RAB38: variants seen among roughly 807,000 people sequenced by gnomAD.
RAB38 encodes the protein RAB38, member RAS oncogene family.
Under a neutral mutation model 18.4 loss-of-function variants are expected in RAB38, and 15 were observed. The observed-to-expected ratio is 0.82, with a 90% confidence interval of 0.55 to 1.26. The LOEUF (loss-of-function observed/expected upper bound fraction) is 1.26. Among genes scored for constraint, RAB38 ranks in the 50% most tolerant of loss-of-function variants. The pLI, the probability that RAB38 is intolerant of heterozygous loss-of-function variation, is 0.00. For synonymous variants in RAB38, 101 were observed against 104.4 expected (o/e 0.97, Z 0.20); for missense variants, 294 against 267.4 (o/e 1.10, Z -0.69).
chr11:87,907,283 G>T, the RAB38 span, among the ~76,000 whole-genome samples: 1 of 151,700 alleles, frequency 6.6e-6, no homozygotes, highest in African/African-American at 2.4e-5. Context: ...ATTTTGCATT[G>T]CTTTTGCTGT....
chr11:87,904,542 A>G, the RAB38 span, among the ~76,000 whole-genome samples: 3 of 151,750 alleles, frequency 2.0e-5, no homozygotes, highest in African/African-American at 7.3e-5. Context: ...GAATAGTATT[A>G]TAATGAATAT....
chr11:87,866,827 C>G, the RAB38 span, among the ~76,000 whole-genome samples: 1 of 151,726 alleles, frequency 6.6e-6, no homozygotes, highest in Non-Finnish European at 1.5e-5. Flanking sequence ...AAGGAGCATT[C>G]AACTGAACAT....
At chr11:88,125,727 C>A (rs1272992381) in intron 2 of RAB38, among the ~76,000 whole-genome samples, 1 of 152,152 alleles carries the variant, frequency 6.6e-6, no homozygotes, top group Non-Finnish European at 1.5e-5. Flanking sequence ...TAATTAGATC[C>A]TATTTGTCAA....
the RAB38 span, among the ~76,000 whole-genome samples, chr11:88,033,121 G>A: frequency 3.9e-5 from 6 of 151,950 alleles, no homozygotes; most frequent in African/African-American, 7.2e-5. Context: ...GCAAACTATT[G>A]CAAGAACAAA....
chr11:88,027,880 C>G, the RAB38 span, among the ~76,000 whole-genome samples: 1 of 152,180 alleles, frequency 6.6e-6, no homozygotes. Flanking sequence ...AGCAGTGGTT[C>G]TCCCAGCATG....
chr11:87,972,908 T>C, the RAB38 span, among the ~76,000 whole-genome samples: 1 of 152,012 alleles, frequency 6.6e-6, no homozygotes, highest in African/African-American at 2.4e-5. Flanking sequence ...TCCCCCTTGC[T>C]GTTCTTATGA....
chr11:87,816,587 C>A, the RAB38 span: 1 of 151,994 alleles, frequency 6.6e-6, no homozygotes, highest in Non-Finnish European at 1.5e-5. Flanking sequence ...TCTCTCTCCT[C>A]ATTGTTATAT....
the RAB38 span, among the ~76,000 whole-genome samples, chr11:87,857,942 C>A: frequency 1.3e-5 from 2 of 152,072 alleles, no homozygotes; most frequent in African/African-American, 4.8e-5. Context: ...CTTGTCCATG[C>A]CTATGTCCTG....
the RAB38 span, among the ~76,000 whole-genome samples, chr11:88,029,184 G>T: frequency 1.3e-3 from 200 of 152,082 alleles, 1 homozygote; most frequent in African/African-American, 4.6e-3. Context: ...AATGCTGAGA[G>T]ATTTTGTCAC....
chr11:88,151,878 G>GA (rs941493687), intron 1 of RAB38, among the ~76,000 whole-genome samples: 5 of 152,104 alleles, frequency 3.3e-5, no homozygotes, highest in Non-Finnish European at 7.4e-5. Context: ...AGTATCACTG[G>GA]AAAAAAAGAG....
chr11:88,028,166 G>T, the RAB38 span, among the ~76,000 whole-genome samples: 1 of 152,156 alleles, frequency 6.6e-6, no homozygotes, highest in Non-Finnish European at 1.5e-5. Flanking sequence ...GCAGCTGAGG[G>T]TCCTGTCTGT....
At chr11:88,117,286 C>A (rs1942567052) in intron 2 of RAB38, among the ~76,000 whole-genome samples, 1 of 152,154 alleles carries the variant, frequency 6.6e-6, no homozygotes, top group African/African-American at 2.4e-5. Context: ...AGCTTACCTA[C>A]TAGCAGGGTT....
the RAB38 span, among the ~76,000 whole-genome samples, chr11:88,011,545 C>A: frequency 6.6e-6 from 1 of 152,118 alleles, no homozygotes; most frequent in Admixed American, 6.5e-5. Context: ...AAGAGCCAAT[C>A]CTTGATAAGC....
At chr11:88,111,564 G>A (rs544341487), downstream of RAB38, among the ~76,000 whole-genome samples, 43 of 152,230 alleles carry the variant, frequency 2.8e-4, no homozygotes, top group South Asian at 1.0e-3. Flanking sequence ...ATTATTAAAA[G>A]TAACAGGGAG....
At chr11:88,049,951 T>C in the RAB38 span, among the ~76,000 whole-genome samples, 4 of 152,294 alleles carry the variant, frequency 2.6e-5, no homozygotes, top group South Asian at 8.3e-4. Context: ...CAAATTCAAA[T>C]AATATTTAAA....
chr11:87,806,276 T>A, the RAB38 span, among the ~76,000 whole-genome samples: 6 of 152,186 alleles, frequency 3.9e-5, no homozygotes, highest in East Asian at 9.6e-4. Flanking sequence ...TTTAATCTCT[T>A]ACAGTTCTAG....
chr11:87,875,656 T>A, the RAB38 span, among the ~76,000 whole-genome samples: 1 of 151,564 alleles, frequency 6.6e-6, no homozygotes, highest in Non-Finnish European at 1.5e-5. Context: ...AATTTAATAA[T>A]TTTCATTGCA....
chr11:88,130,750 G>T (rs1429803616), intron 2 of RAB38, among the ~76,000 whole-genome samples: 1 of 152,116 alleles, frequency 6.6e-6, no homozygotes, highest in Non-Finnish European at 1.5e-5. Context: ...TTTCTCAGGT[G>T]GTAGTATAGG....
the RAB38 span, among the ~76,000 whole-genome samples, chr11:88,042,291 C>T: frequency 5.3e-5 from 8 of 152,168 alleles, no homozygotes; most frequent in African/African-American, 1.2e-4. Context: ...ATCGGGCAGC[C>T]GGTTCCTGCA....
Sources: gnomAD v4.1 joint callset for allele counts (sites outside exome capture counted in the v4.1 genomes callset) on GRCh38, gnomAD v4.1.1 for gene constraint, MANE v1.5 for transcripts, NCBI Gene and HGNC (gene_info 2026-07-23, HGNC 2026-07-21) for gene names.